The following DTNA variants were observed in gnomAD, a reference collection of about 807,000 sequenced individuals.
DTNA encodes the protein dystrobrevin alpha.
DTNA carries 43 observed loss-of-function variants against 100.7 expected under a neutral mutation model. The ratio of observed to expected loss-of-function variants is 0.43; its 90% confidence interval spans 0.33 to 0.55. The LOEUF is 0.55. Among genes scored for constraint, DTNA ranks in the 20% least tolerant of loss-of-function variants. The pLI, the probability that DTNA is intolerant of heterozygous loss-of-function variation, is 0.04. For synonymous variants in DTNA, 349 were observed against 347.9 expected, an observed-to-expected ratio of 1.00 and a Z score of -0.04; for missense variants, 798 against 953.9, an observed-to-expected ratio of 0.84 and a Z score of 2.15.
rs561227096 is a variant in DTNA at position 34,723,388 on chromosome 18, T to C, written c.-2+12943T>C. Among the ~76,000 whole-genome samples the C allele has an allele frequency of 2.0e-5, 3 of 152,326 alleles. No homozygotes were observed. The East Asian group carries it at 5.8e-4, about 29-fold the overall frequency. ...TGCCTCCCTGTGTGGAGAAGGAGTA[T>C]ATATTATACATAGACGGTATATTTG... On this transcript the variant is annotated intron_variant, in intron 1 of 22. Coordinates refer to ENST00000444659, the MANE Select transcript of DTNA (RefSeq NM_001386795.1).
chr18:34,664,414 G>A (rs991538711), intron 1 of DTNA, among the ~76,000 whole-genome samples: 4 of 152,030 alleles, frequency 2.6e-5, no homozygotes, highest in Non-Finnish European at 2.9e-5. Flanking sequence ...CTCCAATCAC[G>A]TGCTTTATTA....
At chr18:34,754,376 A>G (rs1344657872) in intron 1 of DTNA, among the ~76,000 whole-genome samples, 2 of 152,208 alleles carry the variant, frequency 1.3e-5, no homozygotes, top group Non-Finnish European at 2.9e-5. Flanking sequence ...TTCTATGGCT[A>G]TAATTACCTC....
intron 1 of DTNA, among the ~76,000 whole-genome samples, chr18:34,578,317 A>G (rs2023023): frequency 0.1 from 15,421 of 151,254 alleles, 1,132 homozygotes; most frequent in African/African-American, 0.2. Flanking sequence ...CTTTTTGATG[A>G]GATTGTTTGT....
rs976189535 is a variant in DTNA at position 34,855,114 on chromosome 18, A to G, written c.1533-3171A>G. On this transcript the variant is annotated intron_variant, in intron 15 of 22. Transcript: ENST00000444659. ...AATTTTGCAGTGAAAGTTGGGAGAT[A>G]GAATTAAAGGTAAAAATACACATAG... Among the ~76,000 whole-genome samples the G allele has an allele frequency of 2.6e-5, 4 of 152,348 alleles. No individual in the cohort carries two copies. In the East Asian group the frequency reaches 7.7e-4, roughly 29 times the overall value.
intron 1 of DTNA, among the ~76,000 whole-genome samples, chr18:34,581,164 C>A (rs2048577871): frequency 6.6e-6 from 1 of 152,078 alleles, no homozygotes; most frequent in Non-Finnish European, 1.5e-5. Flanking sequence ...AGGAGAATGG[C>A]GTGAACCCGG....
chr18:34,728,559 AT>A (rs1420820108), intron 1 of DTNA, among the ~76,000 whole-genome samples: 1 of 152,010 alleles, frequency 6.6e-6, no homozygotes, highest in African/African-American at 2.4e-5. Flanking sequence ...AAAATAAAGT[AT>A]TTTTCTCAAA....
chr18:34,848,409 G>A (rs375509472), intron 14 of DTNA, 26 bp downstream of exon 14: 30 of 1,610,742 alleles, frequency 1.9e-5, no homozygotes, highest in Admixed American at 1.2e-4. Flanking sequence ...AAAAGGATTC[G>A]TCTGTTGGCA....
chr18:34,658,994 A>G (rs897420185), intron 1 of DTNA, among the ~76,000 whole-genome samples: 1 of 152,204 alleles, frequency 6.6e-6, no homozygotes, highest in Non-Finnish European at 1.5e-5. Flanking sequence ...TCTTTAGCTT[A>G]GAGAACTGGG....
chr18:34,761,794 A>T (rs938236020), intron 2 of DTNA, among the ~76,000 whole-genome samples: 1 of 152,236 alleles, frequency 6.6e-6, no homozygotes, highest in Non-Finnish European at 1.5e-5. Flanking sequence ...TTAATTATGT[A>T]TGCCATCCCC....
chr18:34,677,725 C>G (rs1479969476), intron 1 of DTNA, among the ~76,000 whole-genome samples: 1 of 151,860 alleles, frequency 6.6e-6, no homozygotes, highest in Non-Finnish European at 1.5e-5. Flanking sequence ...CAAAAAATAT[C>G]TGAAAGTACT....
chr18:34,685,958 G>A (rs1052101687), intron 1 of DTNA, among the ~76,000 whole-genome samples: 15 of 152,110 alleles, frequency 9.9e-5, no homozygotes, highest in Non-Finnish European at 2.2e-4. Flanking sequence ...CTGGTGTATA[G>A]GAATGCTTGT....
intron 1 of DTNA, among the ~76,000 whole-genome samples, chr18:34,632,778 T>C (rs2058227453): frequency 6.6e-6 from 1 of 152,206 alleles, no homozygotes. Flanking sequence ...CTTTTAAAAA[T>C]ATATTAATCC....
In DTNA at chr18:34,508,847, G is replaced by A. The variant is rs187216312; in HGVS notation, c.-2+15333G>A. Among the ~76,000 whole-genome samples the A allele has an allele frequency of 1.6e-3, 244 of 152,102 alleles. 1 individual carries two copies. Among genetic ancestry groups the A allele is most frequent in the Non-Finnish European group, 3.0e-3 (202 of 67,954 alleles). On this transcript the variant is annotated intron_variant, in intron 1 of 19. Coordinates refer to the DTNA transcript ENST00000283365. ...CTGAATTTTTTAGTTTCTGTAAATC[G>A]TATGTTTCAATTACATATACCCTTT... is the stretch of plus-strand genomic sequence containing the variant.
chr18:34,605,203 A>G (rs2052777688), intron 1 of DTNA, among the ~76,000 whole-genome samples: 1 of 152,012 alleles, frequency 6.6e-6, no homozygotes, highest in Admixed American at 6.6e-5. Flanking sequence ...CAAACTTTTT[A>G]AAATAAATAA....
chr18:34,533,944 G>C (rs1449118123), intron 1 of DTNA, among the ~76,000 whole-genome samples: 3 of 152,094 alleles, frequency 2.0e-5, no homozygotes, highest in African/African-American at 7.2e-5. Context: ...ATGGCTTTGA[G>C]AAATGAATGA....
At chr18:34,577,108 G>A (rs186431796) in intron 1 of DTNA, among the ~76,000 whole-genome samples, 60 of 152,216 alleles carry the variant, frequency 3.9e-4, no homozygotes, top group African/African-American at 1.3e-3. Context: ...ATGATTATGC[G>A]TTTGTCTATT....
At chr18:34,535,430 C>T (rs2043600785) in intron 1 of DTNA, among the ~76,000 whole-genome samples, 1 of 152,056 alleles carries the variant, frequency 6.6e-6, no homozygotes, top group Non-Finnish European at 1.5e-5. Context: ...AATTTTCTCC[C>T]ATTCTGTAGG....
intron 5 of DTNA, among the ~76,000 whole-genome samples, chr18:34,809,888 G>A (rs1374399653): frequency 6.6e-6 from 1 of 152,210 alleles, no homozygotes; most frequent in Non-Finnish European, 1.5e-5. Context: ...GGTGTTCCCT[G>A]TGTAATTCCA....
intron 17 of DTNA, among the ~76,000 whole-genome samples, chr18:34,870,904 T>C (rs1045983756): frequency 1.3e-5 from 2 of 152,164 alleles, no homozygotes; most frequent in Non-Finnish European, 2.9e-5. Context: ...TAATCACCTC[T>C]CATGTACCCC....
Sources: gnomAD v4.1 joint callset for allele counts (sites outside exome capture counted in the v4.1 genomes callset) on GRCh38, gnomAD v4.1.1 for gene constraint, MANE v1.5 for transcripts, NCBI Gene and HGNC (gene_info 2026-07-23, HGNC 2026-07-21) for gene names.